The following NFIB variants were observed in gnomAD, a reference collection of about 807,000 sequenced individuals.
NFIB encodes nuclear factor 1 B-type.
NFIB carries 11 observed loss-of-function variants against 61.5 expected under a neutral mutation model. The ratio of observed to expected loss-of-function variants is 0.18; its 90% CI spans 0.11 to 0.30. The LOEUF (loss-of-function observed/expected upper bound fraction) is 0.30. Among genes scored for constraint, NFIB ranks in the 10% least tolerant of loss-of-function variants. The pLI is 1.00. For missense variants in NFIB, 471 were observed against 608.9 expected (o/e 0.77, Z 2.38); for synonymous variants, 260 against 216.5 (o/e 1.20, Z -1.76).
chr9:14,228,976 CATTATT>C (rs1052143531), intron 2 of NFIB, among the ~76,000 whole-genome samples: 1 of 149,764 alleles, frequency 6.7e-6, no homozygotes, highest in Admixed American at 6.6e-5. Context: ...TTATTATAAT[CATTATT>C]ATATGTACCA....
At chr9:14,159,345 T>C (rs1046548891) in intron 3 of NFIB, among the ~76,000 whole-genome samples, 10 of 152,170 alleles carry the variant, frequency 6.6e-5, no homozygotes, top group African/African-American at 1.9e-4. Flanking sequence ...ATTGGAAATA[T>C]ATCAGAACTT....
At chr9:14,385,263 A>G (rs1168381803) in intron 1 of NFIB, among the ~76,000 whole-genome samples, 1 of 152,202 alleles carries the variant, frequency 6.6e-6, no homozygotes, top group Non-Finnish European at 1.5e-5. Flanking sequence ...ATCAGGCCGC[A>G]TAGTAACTGG....
At chr9:14,155,553 T>G (rs2131212186) in intron 4 of NFIB, among the ~76,000 whole-genome samples, 1 of 152,290 alleles carries the variant, frequency 6.6e-6, no homozygotes, top group African/African-American at 2.4e-5. Flanking sequence ...CCATCTATGG[T>G]CATGCAGAGA....
At chr9:14,125,842 C>G (rs1444434987) in intron 6 of NFIB, 76 bp from the exon 7 acceptor site, 3 of 1,547,856 alleles carry the variant, frequency 1.9e-6, no homozygotes, top group Non-Finnish European at 2.6e-6. Context: ...AATGACAGAT[C>G]TCATCTTGCA....
intron 2 of NFIB, among the ~76,000 whole-genome samples, chr9:14,209,792 T>C (rs534594253): frequency 6.6e-6 from 1 of 152,260 alleles, no homozygotes; most frequent in East Asian, 1.9e-4. Flanking sequence ...ATTTTGCTAA[T>C]AGGCTGTCAC....
At chr9:14,216,148 C>G (rs2050834197) in intron 2 of NFIB, among the ~76,000 whole-genome samples, 2 of 152,186 alleles carry the variant, frequency 1.3e-5, no homozygotes, top group Non-Finnish European at 2.9e-5. Context: ...TTGGCAATGG[C>G]TACCTTAGAA....
intron 2 of NFIB, among the ~76,000 whole-genome samples, chr9:14,207,916 A>ATT (rs1210941022): frequency 6.6e-6 from 1 of 152,112 alleles, no homozygotes; most frequent in Non-Finnish European, 1.5e-5. Flanking sequence ...AGACTCAAGG[A>ATT]AAGAGCCCAA....
At chr9:14,180,163 C>A (rs950936872) in intron 2 of NFIB, among the ~76,000 whole-genome samples, 10 of 152,078 alleles carry the variant, frequency 6.6e-5, no homozygotes, top group Admixed American at 1.3e-4. Context: ...TGTAATTAAA[C>A]GTGCATTTAA....
At chr9:14,127,170 T>C (rs2039766418) in intron 6 of NFIB, among the ~76,000 whole-genome samples, 2 of 152,354 alleles carry the variant, frequency 1.3e-5, no homozygotes, top group South Asian at 4.1e-4. Flanking sequence ...TTAAGCAATG[T>C]AGACTGTCAT....
intron 10 of NFIB, among the ~76,000 whole-genome samples, chr9:14,099,762 TAGAA>T (rs1190494951): frequency 6.6e-6 from 1 of 152,156 alleles, no homozygotes; most frequent in Non-Finnish European, 1.5e-5. Flanking sequence ...TGAATCAGGA[TAGAA>T]AGAGAAGAAA....
intron 2 of NFIB, among the ~76,000 whole-genome samples, chr9:14,189,499 A>G (rs907043241): frequency 2.0e-5 from 3 of 152,078 alleles, no homozygotes; most frequent in Admixed American, 1.3e-4. Flanking sequence ...ATAATTTCAC[A>G]CAACAGTGAA....
intron 1 of NFIB, among the ~76,000 whole-genome samples, chr9:14,370,049 A>G (rs1199274037): frequency 1.3e-5 from 2 of 152,188 alleles, no homozygotes; most frequent in African/African-American, 4.8e-5. Context: ...TCTTGGCTTT[A>G]GCTATTTTGA....
intron 6 of NFIB, among the ~76,000 whole-genome samples, chr9:14,126,560 G>A (rs887643835): frequency 3.3e-5 from 5 of 152,144 alleles, no homozygotes; most frequent in African/African-American, 1.2e-4. Context: ...TTCTCAGAGA[G>A]GAAATACTCA....
At chr9:14,433,959 A>G in the NFIB span, among the ~76,000 whole-genome samples, 1 of 152,156 alleles carries the variant, frequency 6.6e-6, no homozygotes, top group African/African-American at 2.4e-5. Context: ...TCGGATTCGA[A>G]CCGAGGTTGC....
chr9:14,251,832 A>G (rs1035456180), intron 2 of NFIB, among the ~76,000 whole-genome samples: 1 of 151,548 alleles, frequency 6.6e-6, no homozygotes, highest in Non-Finnish European at 1.5e-5. Context: ...AACAGGTCCA[A>G]CTTTTATAAA....
intron 1 of NFIB, among the ~76,000 whole-genome samples, chr9:14,340,368 T>C (rs1356672545): frequency 6.6e-6 from 1 of 152,196 alleles, no homozygotes; most frequent in Non-Finnish European, 1.5e-5. Flanking sequence ...CAACCCTAGC[T>C]AAACATTAGA....
intron 1 of NFIB, among the ~76,000 whole-genome samples, chr9:14,374,034 T>C (rs1267553317): frequency 6.6e-6 from 1 of 152,220 alleles, no homozygotes; most frequent in African/African-American, 2.4e-5. Flanking sequence ...TTTCTCCATG[T>C]CCTGGGGTTG....
chr9:14,424,187 G>A, the NFIB span, among the ~76,000 whole-genome samples: 1 of 152,180 alleles, frequency 6.6e-6, no homozygotes, highest in South Asian at 2.1e-4. Flanking sequence ...AAGGGGCCTA[G>A]ATGGGAAATG....
intron 1 of NFIB, among the ~76,000 whole-genome samples, chr9:14,359,485 G>A (rs1230570464): frequency 3.3e-5 from 5 of 152,344 alleles, no homozygotes; most frequent in East Asian, 1.9e-4. Context: ...GAAGCTGGAT[G>A]AGAAAGAAAC....
Sources: allele counts gnomAD v4.1 joint callset (sites outside exome capture counted in the v4.1 genomes callset), GRCh38; gene constraint gnomAD v4.1.1; transcripts MANE v1.5; gene names NCBI Gene and HGNC (gene_info 2026-07-23, HGNC 2026-07-21).